GOLM1: variants seen among roughly 807,000 people sequenced by gnomAD.
GOLM1 encodes epididymis luminal protein 46.
In GOLM1, 31 loss-of-function variants were observed where a neutral mutation model predicts 50.5. The observed-to-expected ratio is 0.61, with a 90% CI of 0.46 to 0.83. The LOEUF (loss-of-function observed/expected upper bound fraction) is 0.83, where lower values mean the gene tolerates loss of function less well. Among genes scored for constraint, GOLM1 ranks in the 40% least tolerant of loss-of-function variants. GOLM1 has a pLI of 0.00. For synonymous variants in GOLM1, 178 were observed against 192.8 expected (o/e 0.92, Z 0.64); for missense variants, 491 against 501.3 (o/e 0.98, Z 0.20).
chr9:86,088,637 T>C (rs779649536), intron 1 of GOLM1, among the ~76,000 whole-genome samples: 63 of 151,230 alleles, frequency 4.2e-4, no homozygotes, highest in Non-Finnish European at 8.0e-4. Context: ...TCCATCCCTT[T>C]ATTTTGAGCC....
chr9:86,078,669 G>A (rs1382171919), intron 2 of GOLM1, among the ~76,000 whole-genome samples: 1 of 152,190 alleles, frequency 6.6e-6, no homozygotes, highest in East Asian at 1.9e-4. Context: ...CAATCAAGAG[G>A]AGCATCTTTG....
chr9:86,053,557 A>C (rs115682002), intron 3 of GOLM1, among the ~76,000 whole-genome samples: 9 of 458 alleles, frequency 0.02, 1 homozygote, highest in Non-Finnish European at 0.074. Flanking sequence ...AACACACACT[A>C]CACACACACA....
At chr9:86,045,536 G>A (rs1833508376) in intron 5 of GOLM1, among the ~76,000 whole-genome samples, 1 of 151,402 alleles carries the variant, frequency 6.6e-6, no homozygotes, top group South Asian at 2.1e-4. Context: ...TTAGCTGGGT[G>A]TGGTGGTGGG....
chr9:86,036,738 C>T (rs1338694617), intron 6 of GOLM1: 3 of 540,790 alleles, frequency 5.5e-6, no homozygotes, highest in Admixed American at 6.9e-5. Context: ...CAGAATAAAA[C>T]TGGGCAGTGA....
chr9:86,035,488 T>C lies in GOLM1; in HGVS notation c.895A>G (p.Thr299Ala). ...GFGGAGELGQ[T>A]PQVQAALSVS... ...GACAGGGCAGCCTGCACCTGTGGGG[T>C]CTGGCCCAGTTCTCCGGCTCCCCCG... The change falls in exon 8 of 10, where the codon ACC becomes GCC. Residue 299 changes from threonine to alanine, a missense_variant. Thr to Ala is a moderately conservative substitution (Grantham distance 58). Transcript: ENST00000388712. 1.9e-6 allele frequency: 3 copies of C among 1,613,008 alleles called. No homozygotes were observed. The highest frequency in any genetic ancestry group is 2.2e-5 in the East Asian group (1 of 44,836).
intron 5 of GOLM1, among the ~76,000 whole-genome samples, chr9:86,044,780 C>A (rs1833479210): frequency 6.6e-6 from 1 of 151,886 alleles, no homozygotes; most frequent in African/African-American, 2.4e-5. Flanking sequence ...GGTGAAACCC[C>A]ATCTCTACTA....
chr9:86,029,332 C>G lies in GOLM1; in HGVS notation c.1130-1439G>C, dbSNP rs930275640. The stretch of plus-strand genomic sequence containing the variant: ...ACATTTTAAATATAATCACCACGCT[C>G]CTGTGCGGCGTGACTCCCTTGCTAC... On this transcript the variant is annotated intron_variant, in intron 9 of 9. Coordinates refer to ENST00000388712, the MANE Select transcript of GOLM1 (RefSeq NM_016548.4). Among the ~76,000 whole-genome samples the G allele has an allele frequency of 5.9e-5, 9 of 152,290 alleles. No homozygotes were observed. In the East Asian group the frequency reaches 1.5e-3, roughly 26 times the overall value.
Position 86,027,277 on chromosome 9 carries a change from T to C in GOLM1, c.*540A>G, listed in dbSNP as rs1832814161. 1.0e-6 allele frequency: 1 copy of C among 985,380 alleles called. No homozygotes were observed. Among genetic ancestry groups the C allele is most frequent in the Non-Finnish European group, 1.2e-6 (1 of 829,966 alleles). The allele number at this position is 985,380 out of a possible 1,614,324, so 61.0% of individuals were successfully genotyped here. A position where few individuals can be genotyped will look rare whatever the true frequency, so the allele number is the denominator to read the frequency against. On this transcript the variant is annotated 3_prime_UTR_variant, in exon 10 of 10. Transcript: ENST00000388712. ...GCTGTTGCTACTTTGCTAGTGACGTTTGTGTTAACAGTCAGTGCTCTAGGC... is the reference window on the plus strand; with the variant it reads ...GCTGTTGCTACTTTGCTAGTGACGTCTGTGTTAACAGTCAGTGCTCTAGGC...
intron 9 of GOLM1, among the ~76,000 whole-genome samples, chr9:86,029,597 C>T (rs1357811112): frequency 6.6e-6 from 1 of 151,064 alleles, no homozygotes; most frequent in Non-Finnish European, 1.5e-5. Flanking sequence ...CCATTAAATA[C>T]CTGCCATATT....
At chr9:86,080,705 C>T (rs999736860) in intron 1 of GOLM1, among the ~76,000 whole-genome samples, 3 of 152,060 alleles carry the variant, frequency 2.0e-5, no homozygotes, top group African/African-American at 7.2e-5. Context: ...AATAAAGCAC[C>T]CCCAGAATTC....
chr9:86,091,761 T>C lies in GOLM1; in HGVS notation c.-22+7650A>G, dbSNP rs1208799637. ...CTTGCAAGGCCTTTTGTTATTCTAG[T>C]AGAGGTAAGTCAGTGGGTGGGGTAT... On this transcript the variant is annotated intron_variant, in intron 1 of 9. Transcript: ENST00000388712. 2.6e-5 allele frequency among the ~76,000 whole-genome samples: 4 copies of C among 152,172 alleles called. No homozygotes were observed. The South Asian group carries it at 8.3e-4, about 31-fold the overall frequency.
chr9:86,046,360 C>G (rs1833540429), intron 5 of GOLM1, 110 bp downstream of exon 5: 1 of 702,394 alleles, frequency 1.4e-6, no homozygotes, highest in Non-Finnish European at 2.6e-6. Flanking sequence ...CTCAGAGTCC[C>G]GCACGGAGCA....
intron 1 of GOLM1, chr9:86,084,818 G>A (rs1331253296): frequency 6.6e-6 from 1 of 152,156 alleles, no homozygotes; most frequent in Middle Eastern, 3.2e-3. Flanking sequence ...AGGAGGCTGA[G>A]GCAAGCGGAT....
chr9:86,028,279 C>T (rs564824342), intron 9 of GOLM1, among the ~76,000 whole-genome samples: 86 of 152,338 alleles, frequency 5.6e-4, no homozygotes, highest in Non-Finnish European at 1.1e-3. Context: ...ACACAAGCGG[C>T]TGGACGTCAA....
chr9:86,079,271 A>C lies in GOLM1; in HGVS notation c.50T>G (p.Val17Gly). 1 of 1,610,222 alleles carries C rather than the reference A, an allele frequency of 6.2e-7. No individual in the cohort carries two copies. The highest frequency in any genetic ancestry group is 8.5e-7 in the Non-Finnish European group (1 of 1,177,248). ...GATGCAGGCCACCAGGGCGGCCAGC[A>C]CGAGGGGCGGCGACTTCATGCTGCG... ...GRRSMKSPPL[V>G]LAALVACIIV... Residue 17 changes from valine to glycine, a missense_variant, in exon 2 of 10, where the codon GTG becomes GGG. Physicochemically the swap from Val to Gly is moderately radical, Grantham distance 109 (BLOSUM62 -3). Transcript: ENST00000388712.
chr9:86,039,605 A>C (rs1833264874), intron 6 of GOLM1, among the ~76,000 whole-genome samples: 1 of 152,216 alleles, frequency 6.6e-6, no homozygotes, highest in Non-Finnish European at 1.5e-5. Context: ...TTAATCAGCC[A>C]TTAAAGGGAA....
chr9:86,051,310 C>T (rs554187858), intron 4 of GOLM1, among the ~76,000 whole-genome samples: 361 of 152,196 alleles, frequency 2.4e-3, no homozygotes, highest in African/African-American at 8.1e-3. Flanking sequence ...GGAATAAATG[C>T]GATGTGGTGC....
chr9:86,059,976 C>T (rs1396089992), intron 3 of GOLM1, among the ~76,000 whole-genome samples: 1 of 141,576 alleles, frequency 7.1e-6, no homozygotes, highest in Non-Finnish European at 1.5e-5. Context: ...ACCCAAACCA[C>T]TGAGATGTAT....
chr9:86,071,992 A>G (rs999822208), intron 3 of GOLM1, among the ~76,000 whole-genome samples: 1 of 152,258 alleles, frequency 6.6e-6, no homozygotes, highest in Non-Finnish European at 1.5e-5. Context: ...GCAGTGAGAA[A>G]GAATGAACTA....
Sources: allele counts gnomAD v4.1 joint callset (sites outside exome capture counted in the v4.1 genomes callset), GRCh38; gene constraint gnomAD v4.1.1; transcripts MANE v1.5; gene names NCBI Gene and HGNC (gene_info 2026-07-23, HGNC 2026-07-21).